DGCR2: variants seen among roughly 807,000 people sequenced by gnomAD.
DGCR2 encodes the protein integral membrane protein DGCR2/IDD.
DGCR2 carries 24 observed loss-of-function variants against 51.6 expected under a neutral mutation model. That is an observed-to-expected ratio of 0.47 (90% CI 0.34 to 0.65). The LOEUF is 0.65. DGCR2 is among the 30% of genes least tolerant of loss of function. The probability of loss-of-function intolerance (pLI) is 0.01; values close to 1 mark genes in which losing one functional copy is unlikely to be tolerated. For synonymous variants in DGCR2, 340 were observed against 315.4 expected (o/e 1.08, Z -0.82); for missense variants, 765 against 772.1 (o/e 0.99, Z 0.11).
intron 1 of DGCR2, among the ~76,000 whole-genome samples, chr22:19,103,819 G>A (rs2083233067): frequency 6.6e-6 from 1 of 151,088 alleles, no homozygotes; most frequent in Non-Finnish European, 1.5e-5. Flanking sequence ...GCCAAGGTGG[G>A]AGGGTCACTT....
At chr22:19,048,324 G>T in intron 7 of DGCR2, 116 bp downstream of exon 7, 2 of 1,076,918 alleles carry the variant, frequency 1.9e-6, no homozygotes, top group Non-Finnish European at 2.8e-6. Flanking sequence ...TGCCATTGCT[G>T]CTGCGCGATG....
chr22:19,089,650 A>AG (rs1391125715), intron 1 of DGCR2, among the ~76,000 whole-genome samples, 160 bp from the exon 2 acceptor site: 1 of 152,244 alleles, frequency 6.6e-6, no homozygotes, highest in Non-Finnish European at 1.5e-5. Flanking sequence ...GTGCAGTCTC[A>AG]GCTCACTGCA....
intron 1 of DGCR2, among the ~76,000 whole-genome samples, chr22:19,096,818 C>G (rs112102996): frequency 6.6e-6 from 1 of 151,190 alleles, no homozygotes; most frequent in South Asian, 2.1e-4. Context: ...AATGACTCTC[C>G]CACCTCAGAC....
At chr22:19,059,903 C>T (rs2082642483) in intron 5 of DGCR2, among the ~76,000 whole-genome samples, 1 of 152,170 alleles carries the variant, frequency 6.6e-6, no homozygotes, top group African/African-American at 2.4e-5. Flanking sequence ...CCCCGAGTCC[C>T]CCATTGTTCG....
intron 6 of DGCR2, among the ~76,000 whole-genome samples, chr22:19,050,296 AAAC>A (rs2082535706): frequency 6.6e-6 from 1 of 152,248 alleles, no homozygotes; most frequent in South Asian, 2.1e-4. Context: ...TTCTCAGCAG[AAAC>A]AACAGAGGCT....
intron 1 of DGCR2, among the ~76,000 whole-genome samples, chr22:19,097,419 T>C (rs1487491870): frequency 1.3e-5 from 2 of 151,900 alleles, no homozygotes; most frequent in East Asian, 1.9e-4. Flanking sequence ...CCAGGTGTGG[T>C]GCGGGTGCCT....
At chr22:19,075,146 G>T (rs1326529650) in intron 2 of DGCR2, among the ~76,000 whole-genome samples, 2 of 149,812 alleles carry the variant, frequency 1.3e-5, no homozygotes, top group African/African-American at 2.5e-5. Flanking sequence ...TGTACAGTTG[G>T]GCTGGGTGCA....
chr22:19,120,640 C>A (rs1368541301), intron 1 of DGCR2, among the ~76,000 whole-genome samples: 1 of 152,126 alleles, frequency 6.6e-6, no homozygotes, highest in Admixed American at 6.5e-5. Context: ...CAGAGGCACC[C>A]CAAAGAAGCC....
At chr22:19,100,047 G>A (rs922969845) in intron 1 of DGCR2, among the ~76,000 whole-genome samples, 8 of 151,806 alleles carry the variant, frequency 5.3e-5, no homozygotes, top group Non-Finnish European at 1.0e-4. Flanking sequence ...GCCAAGGTAG[G>A]AGGATCACTT....
intron 1 of DGCR2, among the ~76,000 whole-genome samples, chr22:19,096,898 A>C (rs56050859): frequency 0.15 from 22,888 of 151,514 alleles, 1,966 homozygotes; most frequent in South Asian, 0.28. Flanking sequence ...AAAAAACAAA[A>C]AAAAAAAACA....
chr22:19,063,097 C>T (rs2082703447), intron 5 of DGCR2, 105 bp downstream of exon 5: 2 of 1,074,048 alleles, frequency 1.9e-6, no homozygotes, highest in South Asian at 1.4e-5. Context: ...CCCTGCACAG[C>T]ACCCCTACGG....
At chr22:19,060,913 C>A in intron 5 of DGCR2, 1 of 512,144 alleles carries the variant, frequency 2.0e-6, no homozygotes, top group Admixed American at 2.0e-5. Flanking sequence ...GACACATGGG[C>A]ATAGTAAGCG....
intron 2 of DGCR2, among the ~76,000 whole-genome samples, chr22:19,088,694 A>G (rs1228865705): frequency 6.6e-6 from 1 of 152,204 alleles, no homozygotes; most frequent in African/African-American, 2.4e-5. Flanking sequence ...ATGTATATGT[A>G]TGTCTCACAC....
intron 1 of DGCR2, among the ~76,000 whole-genome samples, chr22:19,101,171 A>T (rs114491955): frequency 3.9e-5 from 6 of 152,170 alleles, no homozygotes; most frequent in African/African-American, 1.2e-4. Flanking sequence ...CAAAGGTTTT[A>T]ACCTTTTAAT....
At chr22:19,091,513 G>C (rs920347749) in intron 1 of DGCR2, among the ~76,000 whole-genome samples, 12 of 152,176 alleles carry the variant, frequency 7.9e-5, no homozygotes, top group Middle Eastern at 3.2e-3. Flanking sequence ...ATTTACAAAA[G>C]AAACTTCAAA....
At chr22:19,058,546 A>G (rs1255880351) in intron 5 of DGCR2, among the ~76,000 whole-genome samples, 1 of 152,142 alleles carries the variant, frequency 6.6e-6, no homozygotes, top group Non-Finnish European at 1.5e-5. Flanking sequence ...TCACCTAAGT[A>G]GAGCCCCTCC....
At position 19,037,120 on chromosome 22, in the gene DGCR2, G is replaced by A. The variant is rs547731773; in HGVS notation, c.*1745C>T. 3 of 152,430 alleles carry A rather than the reference G, an allele frequency of 2.0e-5. No homozygotes were observed. The highest frequency in any genetic ancestry group is 7.2e-5 in the African/African-American group (3 of 41,568). 9.4% of individuals were successfully genotyped at this position (152,430 alleles called of 1,614,324 possible). A position where few individuals can be genotyped will look rare whatever the true frequency, so the allele number is the denominator to read the frequency against. On this transcript the variant is annotated 3_prime_UTR_variant, in exon 10 of 10. Transcript: ENST00000263196. ...CGGCATGCTTCCTGCTTCGTCCTCT[G>A]CAGCCAGTAGGGGACTCCTGTGGCC...
intron 1 of DGCR2, among the ~76,000 whole-genome samples, chr22:19,091,706 G>T (rs1197566431): frequency 6.6e-6 from 1 of 151,534 alleles, no homozygotes; most frequent in Admixed American, 6.6e-5. Flanking sequence ...GAGGTCAGGA[G>T]TTCGAGACCA....
intron 2 of DGCR2, among the ~76,000 whole-genome samples, chr22:19,075,640 G>A (rs1407939097): frequency 6.6e-6 from 1 of 152,162 alleles, no homozygotes; most frequent in Non-Finnish European, 1.5e-5. Flanking sequence ...CTGTATCTAT[G>A]CATTTGAGTA....
Sources: gnomAD v4.1 joint callset for allele counts (sites outside exome capture counted in the v4.1 genomes callset) on GRCh38, gnomAD v4.1.1 for gene constraint, MANE v1.5 for transcripts, NCBI Gene and HGNC (gene_info 2026-07-23, HGNC 2026-07-21) for gene names.